Variants in SEPTIN7 observed in about 807,000 individuals in gnomAD.
SEPTIN7 encodes the protein septin 7.
In SEPTIN7, 10 loss-of-function variants were observed where a neutral mutation model predicts 63.3. The ratio of observed to expected loss-of-function variants is 0.16; its 90% CI spans 0.10 to 0.27. The LOEUF is 0.27. Among genes scored for constraint, SEPTIN7 ranks in the 10% least tolerant of loss-of-function variants. The probability of loss-of-function intolerance (pLI) is 1.00; values close to 1 mark genes in which losing one functional copy is unlikely to be tolerated. For synonymous variants in SEPTIN7, 131 were observed against 165.3 expected, an observed-to-expected ratio of 0.79 and a Z score of 1.59; for missense variants, 310 against 521.0, an observed-to-expected ratio of 0.59 and a Z score of 3.94.
chr7:35,807,457 C>T (rs751150107), intron 1 of SEPTIN7, among the ~76,000 whole-genome samples: 4 of 148,956 alleles, frequency 2.7e-5, no homozygotes, highest in East Asian at 2.0e-4. Flanking sequence ...GTCTGCCTCC[C>T]GGGTTCACAC....
rs1233101608 is a variant in SEPTIN7, at chr7:35,905,292, C to T, written c.*999C>T. The T allele has an allele frequency of 2.0e-5, 3 of 152,486 alleles. No homozygotes were observed. Among genetic ancestry groups the T allele is most frequent in the African/African-American group, 4.8e-5 (2 of 41,402 alleles). 9.4% of individuals were successfully genotyped at this position (152,486 alleles called of 1,614,324 possible). A position where few individuals can be genotyped will look rare whatever the true frequency, so the allele number is the denominator to read the frequency against. Reference sequence around the variant, plus strand: ...TATTGTAAAAAATTCACATAATAAACGATGTTGTGATGTAATATTGTGTGA... The same window carrying T: ...TATTGTAAAAAATTCACATAATAAATGATGTTGTGATGTAATATTGTGTGA... On this transcript the variant is annotated 3_prime_UTR_variant, in exon 14 of 14. Transcript: ENST00000350320.
chr7:35,847,607 A>G (rs1407322721), intron 3 of SEPTIN7, among the ~76,000 whole-genome samples: 2 of 152,190 alleles, frequency 1.3e-5, no homozygotes, highest in South Asian at 4.1e-4. Context: ...TTTAATGTCA[A>G]AAGTCTTCTT....
At chr7:35,914,492 G>A in the SEPTIN7 span, among the ~76,000 whole-genome samples, 18 of 152,232 alleles carry the variant, frequency 1.2e-4, no homozygotes, top group African/African-American at 4.3e-4. Context: ...GGCTTTCTTT[G>A]GACTCAGGGT....
downstream of SEPTIN7, among the ~76,000 whole-genome samples, chr7:35,909,311 G>A (rs928322009): frequency 6.6e-6 from 1 of 152,066 alleles, no homozygotes; most frequent in African/African-American, 2.4e-5. Flanking sequence ...ACTCAAATTG[G>A]CATTTTCTCA....
chr7:35,898,524 T>C (rs1195348190), intron 12 of SEPTIN7, 141 bp downstream of exon 12: 3 of 554,322 alleles, frequency 5.4e-6, no homozygotes, highest in Non-Finnish European at 9.6e-6. Flanking sequence ...ACGGATAAAT[T>C]TCTAGAAGCA....
rs531956503 is a variant in SEPTIN7 at position 35,830,395 on chromosome 7, C to T, written c.62-1097C>T. 5.3e-5 allele frequency among the ~76,000 whole-genome samples: 8 copies of T among 152,180 alleles called. No individual in the cohort carries two copies. In the South Asian group the frequency reaches 1.2e-3, roughly 24 times the overall value. ...TTGGCTAGTGGCTTTCATTGGTACACATTGGAACTACTTGAGGAGCTTTAA... is the reference window on the plus strand; with the variant it reads ...TTGGCTAGTGGCTTTCATTGGTACATATTGGAACTACTTGAGGAGCTTTAA... On this transcript the variant is annotated intron_variant, in intron 1 of 13. Transcript: ENST00000350320.
At chr7:35,814,909 G>C (rs1788950880) in intron 1 of SEPTIN7, among the ~76,000 whole-genome samples, 2 of 150,112 alleles carry the variant, frequency 1.3e-5, no homozygotes, top group African/African-American at 4.9e-5. Context: ...TGGAAGGCAG[G>C]GCTTGCGGTG....
intron 4 of SEPTIN7, among the ~76,000 whole-genome samples, chr7:35,864,386 T>C (rs1186213276): frequency 1.3e-5 from 2 of 152,146 alleles, no homozygotes; most frequent in Non-Finnish European, 2.9e-5. Context: ...GGATGGTAGA[T>C]CACACTTTAT....
intron 3 of SEPTIN7, among the ~76,000 whole-genome samples, chr7:35,836,099 A>G (rs1784074820): frequency 6.6e-6 from 1 of 152,176 alleles, no homozygotes; most frequent in Non-Finnish European, 1.5e-5. Flanking sequence ...ACCCTGATTG[A>G]CAATTTGATG....
At chr7:35,913,484 T>C in the SEPTIN7 span, among the ~76,000 whole-genome samples, 5 of 151,120 alleles carry the variant, frequency 3.3e-5, no homozygotes, top group African/African-American at 1.2e-4. Context: ...TCCCCTTCCT[T>C]CCCTTCCTTC....
intron 1 of SEPTIN7, among the ~76,000 whole-genome samples, chr7:35,827,956 A>G (rs1376461540): frequency 6.6e-6 from 1 of 152,188 alleles, no homozygotes; most frequent in Non-Finnish European, 1.5e-5. Context: ...GTTTTCCTGA[A>G]AGAGTAGTCA....
intron 11 of SEPTIN7, among the ~76,000 whole-genome samples, chr7:35,894,819 T>C (rs1308760598): frequency 6.6e-6 from 1 of 152,212 alleles, no homozygotes; most frequent in Admixed American, 6.5e-5. Flanking sequence ...ATGATTGTCT[T>C]TTATTATACT....
chr7:35,857,080 G>A (rs1447350965), intron 3 of SEPTIN7, among the ~76,000 whole-genome samples: 1 of 152,118 alleles, frequency 6.6e-6, no homozygotes, highest in East Asian at 1.9e-4. Flanking sequence ...TTGATTATGA[G>A]ACATTTGTTT....
At chr7:35,887,405 A>G (rs544430096) in intron 10 of SEPTIN7, among the ~76,000 whole-genome samples, 2 of 152,356 alleles carry the variant, frequency 1.3e-5, no homozygotes, top group Admixed American at 1.3e-4. Context: ...GCTGGAGTGC[A>G]GTGGCACGAT....
intron 1 of SEPTIN7, among the ~76,000 whole-genome samples, chr7:35,814,198 A>C (rs1233663325): frequency 1.3e-5 from 2 of 152,164 alleles, no homozygotes; most frequent in Admixed American, 6.5e-5. Flanking sequence ...TAAATTGCAA[A>C]ATTATTTTGC....
chr7:35,862,997 A>G (rs1183172724), intron 3 of SEPTIN7, among the ~76,000 whole-genome samples: 15 of 152,028 alleles, frequency 9.9e-5, no homozygotes, highest in Admixed American at 9.2e-4. Flanking sequence ...GTAATTACCT[A>G]AGATTTTTTG....
At chr7:35,856,737 A>G (rs1166388635) in intron 3 of SEPTIN7, among the ~76,000 whole-genome samples, 2 of 152,078 alleles carry the variant, frequency 1.3e-5, no homozygotes. Flanking sequence ...GTTTCACCTT[A>G]TGAGCCTCAA....
At chr7:35,908,677 C>G (rs1788681044), downstream of SEPTIN7, among the ~76,000 whole-genome samples, 1 of 152,154 alleles carries the variant, frequency 6.6e-6, no homozygotes, top group South Asian at 2.1e-4. Flanking sequence ...CAACAAACTT[C>G]CTTTTTGTTC....
chr7:35,888,934 G>A (rs1439636428), intron 10 of SEPTIN7: 1 of 290,346 alleles, frequency 3.4e-6, no homozygotes, highest in South Asian at 3.0e-5. Flanking sequence ...TCCAAAAAGT[G>A]TTTATCATAT....
Sources: allele counts gnomAD v4.1 joint callset (sites outside exome capture counted in the v4.1 genomes callset), GRCh38; gene constraint gnomAD v4.1.1; transcripts MANE v1.5; gene names NCBI Gene and HGNC (gene_info 2026-07-23, HGNC 2026-07-21).